The following TMEM132D variants were observed in gnomAD, a reference collection of about 807,000 sequenced individuals.
TMEM132D encodes transmembrane protein 132D, also known as mature OL transmembrane protein.
Under a neutral mutation model 62.3 loss-of-function variants are expected in TMEM132D, and 21 were observed. The observed-to-expected ratio is 0.34, with a 90% CI of 0.24 to 0.49. TMEM132D has a LOEUF of 0.49. Ranked by LOEUF, TMEM132D falls within the 20% of genes least tolerant of loss-of-function variation. The pLI is 0.99. For synonymous variants in TMEM132D, 621 were observed against 575.6 expected (o/e 1.08, Z -1.13); for missense variants, 1,346 against 1,402.8 (o/e 0.96, Z 0.65).
chr12:129,641,149 C>T (rs556294871), intron 2 of TMEM132D, among the ~76,000 whole-genome samples: 14 of 152,226 alleles, frequency 9.2e-5, no homozygotes, highest in South Asian at 6.2e-4. Flanking sequence ...CACCCTGCCC[C>T]GGTCCATGGA....
At chr12:129,329,508 C>CA (rs1413410350) in intron 4 of TMEM132D, among the ~76,000 whole-genome samples, 1 of 152,084 alleles carries the variant, frequency 6.6e-6, no homozygotes, top group East Asian at 1.9e-4. Context: ...AAAAATTCAA[C>CA]AAAAATATTA....
chr12:129,370,008 G>A (rs1870545855), intron 3 of TMEM132D, among the ~76,000 whole-genome samples: 1 of 152,182 alleles, frequency 6.6e-6, no homozygotes, highest in Non-Finnish European at 1.5e-5. Context: ...GCCAACTGTG[G>A]CCCTGATTCA....
chr12:129,507,879 GAA>G (rs1231115639), intron 3 of TMEM132D, among the ~76,000 whole-genome samples: 2 of 152,074 alleles, frequency 1.3e-5, no homozygotes, highest in Non-Finnish European at 1.5e-5. Context: ...TTAAAAAATA[GAA>G]AGTCTATTGA....
At chr12:129,505,218 C>T (rs1410866837) in intron 3 of TMEM132D, among the ~76,000 whole-genome samples, 3 of 150,732 alleles carry the variant, frequency 2.0e-5, no homozygotes, top group African/African-American at 7.3e-5. Flanking sequence ...CTGTAAATAC[C>T]TGTTAAGTCC....
chr12:129,764,798 T>A (rs1870499443), intron 1 of TMEM132D, among the ~76,000 whole-genome samples: 1 of 151,990 alleles, frequency 6.6e-6, no homozygotes, highest in South Asian at 2.1e-4. Context: ...AAAAATTAGC[T>A]GGTGTGGTGA....
intron 4 of TMEM132D, among the ~76,000 whole-genome samples, chr12:129,256,191 T>A (rs1192065188): frequency 6.6e-6 from 1 of 152,136 alleles, no homozygotes; most frequent in Non-Finnish European, 1.5e-5. Flanking sequence ...GCGATTCTCC[T>A]GCCTCAGCCA....
chr12:129,603,515 T>C (rs890364577), intron 2 of TMEM132D, among the ~76,000 whole-genome samples: 3 of 152,132 alleles, frequency 2.0e-5, no homozygotes, highest in African/African-American at 7.2e-5. Context: ...TAATATTCCA[T>C]TGCCTGACTT....
chr12:129,080,913 C>T (rs1874425555), intron 7 of TMEM132D, among the ~76,000 whole-genome samples: 1 of 152,148 alleles, frequency 6.6e-6, no homozygotes, highest in South Asian at 2.1e-4. Flanking sequence ...CCGTCACCCG[C>T]TCCCCAGCAG....
At chr12:129,640,430 C>T (rs138586991) in intron 2 of TMEM132D, among the ~76,000 whole-genome samples, 2 of 152,304 alleles carry the variant, frequency 1.3e-5, no homozygotes, top group East Asian at 3.9e-4. Context: ...ATGGGGGACC[C>T]CTTATCATCA....
At chr12:129,360,653 C>T (rs188446795) in intron 3 of TMEM132D, among the ~76,000 whole-genome samples, 4 of 152,136 alleles carry the variant, frequency 2.6e-5, no homozygotes, top group African/African-American at 9.6e-5. Context: ...GGACTCTGGC[C>T]GGGGATGCTG....
intron 4 of TMEM132D, among the ~76,000 whole-genome samples, chr12:129,291,898 G>T (rs988752860): frequency 3.9e-5 from 6 of 152,250 alleles, no homozygotes; most frequent in Middle Eastern, 3.4e-3. Context: ...AATGGAGAAG[G>T]ACATAAGGTT....
intron 3 of TMEM132D, among the ~76,000 whole-genome samples, chr12:129,454,832 A>T (rs1873414830): frequency 6.6e-6 from 1 of 152,298 alleles, no homozygotes; most frequent in African/African-American, 2.4e-5. Context: ...ATTACAATCC[A>T]AGATGGCAGG....
chr12:129,672,658 G>A (rs1191154929), intron 2 of TMEM132D, among the ~76,000 whole-genome samples: 2 of 152,212 alleles, frequency 1.3e-5, no homozygotes, highest in East Asian at 1.9e-4. Flanking sequence ...TTAAGAGTAT[G>A]TGAGCTTTGA....
At chr12:129,361,264 G>A (rs532290472) in intron 3 of TMEM132D, among the ~76,000 whole-genome samples, 12 of 152,202 alleles carry the variant, frequency 7.9e-5, no homozygotes, top group Non-Finnish European at 1.8e-4. Context: ...AATGCTCATG[G>A]TGTATAGATA....
At chr12:129,645,857 C>T (rs1238696621) in intron 2 of TMEM132D, among the ~76,000 whole-genome samples, 1 of 152,138 alleles carries the variant, frequency 6.6e-6, no homozygotes, top group Middle Eastern at 3.2e-3. Context: ...AGTGCCAGGA[C>T]AGTTTACAAA....
intron 4 of TMEM132D, among the ~76,000 whole-genome samples, chr12:129,233,072 T>C (rs1879686442): frequency 6.6e-6 from 1 of 152,252 alleles, no homozygotes; most frequent in Non-Finnish European, 1.5e-5. Context: ...GCCTCCTTTT[T>C]CATTTCTGTA....
At chr12:129,516,566 C>T (rs1875688953) in intron 3 of TMEM132D, among the ~76,000 whole-genome samples, 1 of 152,156 alleles carries the variant, frequency 6.6e-6, no homozygotes, top group Non-Finnish European at 1.5e-5. Context: ...TTATTCACTA[C>T]CATGAGAACA....
At chr12:129,771,839 CAG>C (rs1870765291) in intron 1 of TMEM132D, among the ~76,000 whole-genome samples, 1 of 152,196 alleles carries the variant, frequency 6.6e-6, no homozygotes, top group Non-Finnish European at 1.5e-5. Context: ...GAAAGTTTAA[CAG>C]AACCTCTAGG....
At chr12:129,470,515 C>A (rs749445598) in intron 3 of TMEM132D, among the ~76,000 whole-genome samples, 3 of 152,134 alleles carry the variant, frequency 2.0e-5, no homozygotes, top group African/African-American at 7.2e-5. Context: ...CCTGGTGATT[C>A]TCTGTGATGG....
Sources: allele counts gnomAD v4.1 joint callset (sites outside exome capture counted in the v4.1 genomes callset), GRCh38; gene constraint gnomAD v4.1.1; transcripts MANE v1.5; gene names NCBI Gene and HGNC (gene_info 2026-07-23, HGNC 2026-07-21).